Variants in FAS observed in about 807,000 individuals in gnomAD.
FAS encodes the protein Fas cell surface death receptor.
FAS carries 5 observed loss-of-function variants against 33.2 expected under a neutral mutation model. The observed-to-expected ratio is 0.15, with a 90% CI of 0.08 to 0.32. The LOEUF (loss-of-function observed/expected upper bound fraction) is 0.32. FAS is among the 10% of genes least tolerant of loss of function. The pLI, the probability that FAS is intolerant of heterozygous loss-of-function variation, is 1.00. For synonymous variants in FAS, 131 were observed against 130.7 expected, an observed-to-expected ratio of 1.00 and a Z score of -0.01; for missense variants, 339 against 386.0, an observed-to-expected ratio of 0.88 and a Z score of 1.02.
intron 3 of FAS, 99 bp downstream of exon 3, chr10:89,007,936 G>A: frequency 1.3e-6 from 2 of 1,565,624 alleles, no homozygotes; most frequent in Non-Finnish European, 1.7e-6. Context: ...GTGGTGCTAT[G>A]TTGACACACA....
rs779564431 is a variant in FAS at position 89,015,729 on chromosome 10, T to G, written c.*1279T>G. The stretch of plus-strand genomic sequence containing the variant: ...ATTTATGGAGGATTTTTTTGCCCCT[T>G]GTGTTTGGAATTATAAAATATAGGT... On this transcript the variant is annotated 3_prime_UTR_variant, in exon 9 of 9. Transcript: ENST00000652046. The G allele has an allele frequency of 3.4e-5, 17 of 500,054 alleles. No individual in the cohort carries two copies. The highest frequency in any genetic ancestry group is 3.1e-4 in the South Asian group (17 of 55,230). 31.0% of individuals were successfully genotyped at this position (500,054 alleles called of 1,614,324 possible).
intron 1 of FAS, 122 bp downstream of exon 1, chr10:88,991,028 G>A: frequency 7.4e-7 from 1 of 1,354,906 alleles, no homozygotes; most frequent in Non-Finnish European, 1.0e-6. Flanking sequence ...GCACCTGGGA[G>A]CGGCGGGCTG....
At position 89,015,125 on chromosome 10, in the gene FAS, G is replaced by T. The variant is rs182807520; in HGVS notation, c.*675G>T. 1 of 534,578 alleles carries T rather than the reference G, an allele frequency of 1.9e-6. No homozygotes were observed. The highest frequency in any genetic ancestry group is 3.6e-6 in the Non-Finnish European group (1 of 276,670). 33.1% of individuals were successfully genotyped at this position (534,578 alleles called of 1,614,324 possible). On this transcript the variant is annotated 3_prime_UTR_variant, in exon 9 of 9. Coordinates refer to ENST00000652046, the MANE Select transcript of FAS (RefSeq NM_000043.6). ...ATTATATATGTGTATGCATTTTACT[G>T]GCTCAAAACTACCTACTTCTTTCTC...
At chr10:88,984,354 T>C (rs2025719), upstream of FAS, among the ~76,000 whole-genome samples, 150,686 of 152,254 alleles carry the variant, frequency 0.99, 74,572 homozygotes, top group East Asian at 1. Context: ...GTCTCTCCCA[T>C]ACTACCTTTC....
Position 89,014,529 on chromosome 10 carries a change from G to T in FAS, c.*79G>T, listed in dbSNP as rs928574134. On this transcript the variant is annotated 3_prime_UTR_variant, in exon 9 of 9. Coordinates refer to ENST00000652046, the MANE Select transcript of FAS (RefSeq NM_000043.6). ...TTCTTAATAGCTGGCTGTAAATACTGCTTGGTTTTTTACTGGGTACATTTT... is the reference window on the plus strand; with the variant it reads ...TTCTTAATAGCTGGCTGTAAATACTTCTTGGTTTTTTACTGGGTACATTTT... The T allele has an allele frequency of 1.4e-6, 2 of 1,379,856 alleles. No individual in the cohort carries two copies. The highest frequency in any genetic ancestry group is 2.0e-6 in the Non-Finnish European group (2 of 995,492). 85.5% of individuals were successfully genotyped at this position (1,379,856 alleles called of 1,614,324 possible). A position where few individuals can be genotyped will look rare whatever the true frequency, so the allele number is the denominator to read the frequency against.
At chr10:88,994,571 A>G (rs1847468520) in intron 1 of FAS, among the ~76,000 whole-genome samples, 2 of 152,148 alleles carry the variant, frequency 1.3e-5, no homozygotes, top group South Asian at 4.1e-4. Flanking sequence ...TTTAAAAACT[A>G]CATTTATACT....
chr10:88,991,153 C>T, intron 1 of FAS: 1 of 597,654 alleles, frequency 1.7e-6, no homozygotes, highest in Non-Finnish European at 3.0e-6. Context: ...AAGTGCTGAC[C>T]CCGCTGGGCA....
chr10:89,005,015 T>C (rs1848138771), intron 2 of FAS, among the ~76,000 whole-genome samples: 1 of 152,188 alleles, frequency 6.6e-6, no homozygotes, highest in Non-Finnish European at 1.5e-5. Context: ...AAAACTAGGT[T>C]GAGTGCTTTG....
intron 6 of FAS, among the ~76,000 whole-genome samples, chr10:89,011,128 C>A (rs374893778): frequency 1.1e-4 from 17 of 152,290 alleles, no homozygotes; most frequent in African/African-American, 4.1e-4. Flanking sequence ...TCTCCCTATG[C>A]AAAAAGAGAA....
intron 1 of FAS, among the ~76,000 whole-genome samples, chr10:88,966,529 T>C (rs1846320456): frequency 6.6e-6 from 1 of 152,208 alleles, no homozygotes; most frequent in African/African-American, 2.4e-5. Context: ...ATAGGCAGTA[T>C]AAACTCTTCT....
At chr10:88,994,674 CTATA>C (rs1409820552) in intron 1 of FAS, among the ~76,000 whole-genome samples, 1 of 151,918 alleles carries the variant, frequency 6.6e-6, no homozygotes, top group Middle Eastern at 3.2e-3. Context: ...TTAATTTGAG[CTATA>C]TATAGTCTGT....
At chr10:88,986,980 C>A (rs778098709), upstream of FAS, among the ~76,000 whole-genome samples, 6 of 152,184 alleles carry the variant, frequency 3.9e-5, no homozygotes, top group Admixed American at 2.0e-4. Context: ...ATAATATGTT[C>A]TCCAGGAGGT....
chr10:88,986,437 T>C (rs560582136), upstream of FAS, among the ~76,000 whole-genome samples: 3 of 152,334 alleles, frequency 2.0e-5, no homozygotes, highest in Admixed American at 6.5e-5. Context: ...GTTGCCACAG[T>C]CTAAACATTC....
chr10:88,995,678 A>T (rs1368970915), intron 1 of FAS, among the ~76,000 whole-genome samples: 1 of 152,096 alleles, frequency 6.6e-6, no homozygotes, highest in Non-Finnish European at 1.5e-5. Flanking sequence ...AAATACACAA[A>T]TTAGCTGGGT....
At chr10:88,978,672 C>T (rs78209918) in intron 2 of FAS, among the ~76,000 whole-genome samples, 3,653 of 152,220 alleles carry the variant, frequency 0.024, 61 homozygotes, top group Non-Finnish European at 0.04. Flanking sequence ...TCATTTGCAC[C>T]ACGGCTCCAG....
chr10:88,971,727 T>C (rs1434879988), intron 1 of FAS, among the ~76,000 whole-genome samples: 1 of 152,152 alleles, frequency 6.6e-6, no homozygotes, highest in Non-Finnish European at 1.5e-5. Context: ...TGTAATGGCT[T>C]TAGCAATTTG....
rs762203075 is a variant in FAS, at chr10:89,007,819, T to C, written c.316T>C (p.Leu106=). Residue 106 remains leucine, a synonymous_variant, in exon 3 of 9, where the codon TTG becomes CTG. Transcript: ENST00000652046. ...TTCTTCCAAATGCAGAAGATGTAGATTGTGTGATGAAGGACATGGTAAGAG... is the reference window on the plus strand; with the variant it reads ...TTCTTCCAAATGCAGAAGATGTAGACTGTGTGATGAAGGACATGGTAAGAG... ...HFSSKCRRCR[L]CDEGHGLEVE... 5.0e-6 allele frequency: 8 copies of C among 1,613,748 alleles called. No individual in the cohort carries two copies. Among genetic ancestry groups the C allele is most frequent in the Non-Finnish European group, 5.9e-6 (7 of 1,179,872 alleles).
At chr10:89,014,036 A>G (rs907023514) in intron 8 of FAS, 83 bp from the exon 9 acceptor site, 6 of 1,403,292 alleles carry the variant, frequency 4.3e-6, no homozygotes, top group Middle Eastern at 4.5e-4. Context: ...CTGAAGTACT[A>G]TAAAAAGAGA....
At chr10:88,966,808 C>G (rs535093606) in intron 1 of FAS, among the ~76,000 whole-genome samples, 1 of 152,310 alleles carries the variant, frequency 6.6e-6, no homozygotes, top group East Asian at 1.9e-4. Flanking sequence ...AAGTGCCAAT[C>G]AGATTATCAG....
Sources: gnomAD v4.1 joint callset for allele counts (sites outside exome capture counted in the v4.1 genomes callset) on GRCh38, gnomAD v4.1.1 for gene constraint, MANE v1.5 for transcripts, NCBI Gene and HGNC (gene_info 2026-07-23, HGNC 2026-07-21) for gene names.